Variants in ATF7IP observed in about 807,000 individuals in gnomAD.
ATF7IP encodes activating transcription factor 7-interacting protein 1.
In ATF7IP, 23 loss-of-function variants were observed where a neutral mutation model predicts 106.4. The ratio of observed to expected loss-of-function variants is 0.22; its 90% CI spans 0.16 to 0.31. The LOEUF (loss-of-function observed/expected upper bound fraction) is 0.31. Among genes scored for constraint, ATF7IP ranks in the 10% least tolerant of loss-of-function variants. The pLI, the probability that ATF7IP is intolerant of heterozygous loss-of-function variation, is 1.00. For synonymous variants in ATF7IP, 542 were observed against 539.0 expected (o/e 1.01, Z -0.08); for missense variants, 1,334 against 1,524.3 (o/e 0.88, Z 2.08).
At chr12:14,455,589 G>T (rs533784521) in intron 6 of ATF7IP, among the ~76,000 whole-genome samples, 1 of 151,726 alleles carries the variant, frequency 6.6e-6, no homozygotes, top group South Asian at 2.1e-4. Context: ...TCCATTTTTT[G>T]TTTGTTTGTT....
chr12:14,401,217 CAG>C (rs1940172520), intron 1 of ATF7IP, among the ~76,000 whole-genome samples: 2 of 152,126 alleles, frequency 1.3e-5, no homozygotes, highest in South Asian at 2.1e-4. Flanking sequence ...TTGTTTGAGA[CAG>C]AGTCTTGCTC....
rs1397875657 is a variant in ATF7IP at position 14,438,234 on chromosome 12, C to T, written c.1896C>T (p.Asn632=). Residue 632 remains asparagine (N), a synonymous_variant, in exon 5 of 15, where the codon AAC becomes AAT. Coordinates refer to ENST00000261168, the MANE Select transcript of ATF7IP (RefSeq NM_018179.5). The part of the protein sequence containing the change: ...LKTRVEKIEC[N]KRHKTVLTEL... Reference sequence around the variant, plus strand: ...CACGAGTGGAAAAGATTGAATGTAACAAGAGGCATAAAACAGTTCTCACTG... The same window carrying T: ...CACGAGTGGAAAAGATTGAATGTAATAAGAGGCATAAAACAGTTCTCACTG... 17 of 1,612,940 alleles carry T rather than the reference C, an allele frequency of 1.1e-5. No homozygotes were observed. Among genetic ancestry groups the T allele is most frequent in the Non-Finnish European group, 1.4e-5 (17 of 1,179,896 alleles).
chr12:14,372,618 A>G (rs1370488136), intron 1 of ATF7IP, among the ~76,000 whole-genome samples: 1 of 152,084 alleles, frequency 6.6e-6, no homozygotes, highest in Non-Finnish European at 1.5e-5. Context: ...GCAGTTTTCC[A>G]TTGCTCAGAA....
chr12:14,421,763 T>G (rs1941522062), intron 1 of ATF7IP, among the ~76,000 whole-genome samples: 1 of 152,134 alleles, frequency 6.6e-6, no homozygotes, highest in African/African-American at 2.4e-5. Context: ...TACCAGACAT[T>G]CAGTTTAGGC....
chr12:14,453,125 G>A (rs983486306), intron 6 of ATF7IP, among the ~76,000 whole-genome samples: 3 of 152,106 alleles, frequency 2.0e-5, no homozygotes, highest in African/African-American at 7.2e-5. Context: ...TTCTCTTACT[G>A]CTTTCAAGAT....
At chr12:14,497,584 GT>G in intron 14 of ATF7IP, 69 bp from the exon 15 acceptor site, 1 of 1,428,128 alleles carries the variant, frequency 7.0e-7, no homozygotes, top group Non-Finnish European at 9.5e-7. Context: ...TCTCTAAGGT[GT>G]TTTAATTCTA....
At chr12:14,417,774 T>C (rs1001599201) in intron 1 of ATF7IP, among the ~76,000 whole-genome samples, 2 of 152,232 alleles carry the variant, frequency 1.3e-5, no homozygotes, top group Non-Finnish European at 2.9e-5. Context: ...AACTGTGTTC[T>C]AGATTACTTA....
At chr12:14,366,217 C>A (rs919216697) in intron 1 of ATF7IP, among the ~76,000 whole-genome samples, 1 of 152,152 alleles carries the variant, frequency 6.6e-6, no homozygotes. Flanking sequence ...TCTGTTTTTT[C>A]GATTTTTTGA....
At chr12:14,381,950 G>A (rs1197076740) in intron 1 of ATF7IP, among the ~76,000 whole-genome samples, 2 of 150,910 alleles carry the variant, frequency 1.3e-5, no homozygotes, top group Non-Finnish European at 2.9e-5. Context: ...AGATTGTAGC[G>A]CTCTTATTTT....
chr12:14,452,934 T>A (rs1337482450), intron 6 of ATF7IP, among the ~76,000 whole-genome samples: 1 of 152,132 alleles, frequency 6.6e-6, no homozygotes, highest in African/African-American at 2.4e-5. Flanking sequence ...CTGGGAAAAA[T>A]TTTAATTTCA....
At chr12:14,471,301 A>G (rs1944035081) in intron 10 of ATF7IP, among the ~76,000 whole-genome samples, 3 of 152,104 alleles carry the variant, frequency 2.0e-5, no homozygotes, top group Admixed American at 2.0e-4. Flanking sequence ...TTAGTAGTGT[A>G]ATTTGGATTA....
At chr12:14,454,239 C>G (rs1943333017) in intron 6 of ATF7IP, among the ~76,000 whole-genome samples, 1 of 152,088 alleles carries the variant, frequency 6.6e-6, no homozygotes, top group African/African-American at 2.4e-5. Context: ...GTTTGCCTCT[C>G]TACTCTGAAG....
chr12:14,441,741 G>C (rs1041127276), intron 5 of ATF7IP, among the ~76,000 whole-genome samples: 23 of 151,880 alleles, frequency 1.5e-4, no homozygotes, highest in Non-Finnish European at 2.9e-4. Flanking sequence ...TGCCCACCTC[G>C]GCCTCCCAAA....
chr12:14,479,778 CTT>C (rs1944377694), intron 12 of ATF7IP, among the ~76,000 whole-genome samples: 1 of 152,010 alleles, frequency 6.6e-6, no homozygotes, highest in Non-Finnish European at 1.5e-5. Context: ...GCCTATGTGA[CTT>C]TATTTCTGGT....
At chr12:14,381,451 G>T (rs978814156) in intron 1 of ATF7IP, among the ~76,000 whole-genome samples, 12 of 152,094 alleles carry the variant, frequency 7.9e-5, no homozygotes, top group African/African-American at 2.9e-4. Flanking sequence ...GGCTGGTCTG[G>T]AACTCATGGC....
Position 14,436,257 on chromosome 12 carries a change from G to A in ATF7IP, c.1791+6G>A, listed in dbSNP as rs1475515140. On this transcript the variant is annotated splice_donor_region_variant and intron_variant, in intron 4 of 14. Coordinates refer to ENST00000261168, the MANE Select transcript of ATF7IP (RefSeq NM_018179.5). Reference sequence around the variant, plus strand: ...TTAACCAGAAACTTCAAAAGGTATTGTGTCAATTATAAGTTATAAACCATA... The same window carrying A: ...TTAACCAGAAACTTCAAAAGGTATTATGTCAATTATAAGTTATAAACCATA... The A allele has an allele frequency of 4.3e-6, 7 of 1,609,608 alleles. No individual in the cohort carries two copies. The highest frequency in any genetic ancestry group is 4.0e-5 in the African/African-American group (3 of 74,624).
chr12:14,407,285 G>A (rs1940643232), intron 1 of ATF7IP, among the ~76,000 whole-genome samples: 1 of 152,010 alleles, frequency 6.6e-6, no homozygotes, highest in African/African-American at 2.4e-5. Context: ...AATAGCATTG[G>A]TTTTAACATG....
rs1318012467 is a variant in ATF7IP, at chr12:14,475,816, A to G, written c.2863-74A>G. ...TTACTCATTAGTCTCATTTTACCTCACTTATCATCTCATTTTTTAACACGT... is the reference window on the plus strand; with the variant it reads ...TTACTCATTAGTCTCATTTTACCTCGCTTATCATCTCATTTTTTAACACGT... On this transcript the variant is annotated intron_variant, in intron 10 of 14. Transcript: ENST00000261168. 13 of 1,203,584 alleles carry G rather than the reference A, an allele frequency of 1.1e-5. No homozygotes were observed. In the African/African-American group the frequency reaches 1.2e-4, roughly 11 times the overall value. 74.6% of individuals were successfully genotyped at this position (1,203,584 alleles called of 1,614,324 possible). A position where few individuals can be genotyped will look rare whatever the true frequency, so the allele number is the denominator to read the frequency against.
At chr12:14,421,460 C>G (rs1941503040) in intron 1 of ATF7IP, among the ~76,000 whole-genome samples, 1 of 152,104 alleles carries the variant, frequency 6.6e-6, no homozygotes, top group Non-Finnish European at 1.5e-5. Flanking sequence ...GGATCTGTTC[C>G]AGGCCTCTCT....
Sources: gnomAD v4.1 joint callset for allele counts (sites outside exome capture counted in the v4.1 genomes callset) on GRCh38, gnomAD v4.1.1 for gene constraint, MANE v1.5 for transcripts, NCBI Gene and HGNC (gene_info 2026-07-23, HGNC 2026-07-21) for gene names.